Variants in DSG4 observed in about 807,000 individuals in gnomAD.
The protein encoded by DSG4 is desmoglein 4.
Under a neutral mutation model 93.1 loss-of-function variants are expected in DSG4, and 87 were observed. The observed-to-expected ratio is 0.93, with a 90% CI of 0.79 to 1.12. DSG4 has a LOEUF of 1.12. Among genes scored for constraint, DSG4 ranks in the 50% most tolerant of loss-of-function variants. The probability of loss-of-function intolerance (pLI) is 0.00; values close to 1 mark genes in which losing one functional copy is unlikely to be tolerated. For missense variants in DSG4, 1,373 were observed against 1,285.7 expected, an observed-to-expected ratio of 1.07 and a Z score of -1.04; for synonymous variants, 432 against 452.9, an observed-to-expected ratio of 0.95 and a Z score of 0.59.
intron 1 of DSG4, among the ~76,000 whole-genome samples, chr18:31,377,583 C>T (rs1409950085): frequency 1.3e-5 from 2 of 152,166 alleles, no homozygotes; most frequent in Non-Finnish European, 2.9e-5. Context: ...TTACAGTAAA[C>T]ATGGCATCTT....
rs2072221012 is a variant in DSG4, at chr18:31,389,022, A to G, written c.517+4A>G. 6.2e-7 allele frequency: 1 copy of G among 1,612,930 alleles called. No individual in the cohort carries two copies. The highest frequency in any genetic ancestry group is 1.1e-5 in the South Asian group (1 of 91,044). Reference sequence around the variant, plus strand: ...ATTGAAGAAAATAGTGATGCCAGTAAGTAGAATGACATTCCTTCTCTACGT... The same window carrying G: ...ATTGAAGAAAATAGTGATGCCAGTAGGTAGAATGACATTCCTTCTCTACGT... On this transcript the variant is annotated splice_donor_region_variant and intron_variant, in intron 5 of 15. Transcript: ENST00000308128.
intron 5 of DSG4, 57 bp from the exon 6 acceptor site, chr18:31,390,585 CTTATGCCTAATGAT>C: frequency 6.3e-7 from 1 of 1,585,018 alleles, no homozygotes; most frequent in Non-Finnish European, 8.6e-7. Flanking sequence ...ACTCTGTCTT[CTTATGCCTAATGAT>C]TTGCTGAATT....
chr18:31,401,744 C>G (rs1035234409), intron 10 of DSG4: 1 of 151,992 alleles, frequency 6.6e-6, no homozygotes, highest in African/African-American at 2.4e-5. Flanking sequence ...TCAGGAACCA[C>G]GAAGGAAGGG....
intron 1 of DSG4, among the ~76,000 whole-genome samples, chr18:31,383,335 T>A (rs2072155564): frequency 1.3e-5 from 2 of 152,208 alleles, no homozygotes; most frequent in South Asian, 4.1e-4. Flanking sequence ...AGGCTACATA[T>A]CCACTATGGA....
At chr18:31,378,786 A>G (rs897840756) in intron 1 of DSG4, among the ~76,000 whole-genome samples, 1 of 152,218 alleles carries the variant, frequency 6.6e-6, no homozygotes, top group Non-Finnish European at 1.5e-5. Context: ...ATATTTCAAA[A>G]TTGAAACAAA....
In DSG4 at chr18:31,388,533, G is replaced by A. The variant is rs1354323415; in HGVS notation, c.372+11G>A. 2 of 1,612,994 alleles carry A rather than the reference G, an allele frequency of 1.2e-6. No individual in the cohort carries two copies. The highest frequency in any genetic ancestry group is 1.7e-6 in the Non-Finnish European group (2 of 1,179,360). ...ACTCCACTTTTCTTGGTAAGTCATA[G>A]CCATATGTTTTGATTTGTTCATATT... On this transcript the variant is annotated intron_variant, in intron 4 of 15. Transcript: ENST00000308128.
Position 31,411,405 on chromosome 18 carries a change from A to T in DSG4, c.2312A>T (p.Asp771Val), listed in dbSNP as rs1478643134. The change falls in exon 15 of 16, where the codon GAC becomes GTC. Residue 771 changes from aspartate to valine, a missense_variant. Asp to Val is a radical substitution (Grantham distance 152). Transcript: ENST00000308128. ...ATGGGAACCCTGCGGGACTACGCTG[A>T]CGCAGACATCAACATGGCTTTCTTG... The part of the protein sequence containing the change: ...STMGTLRDYA[D>V]ADINMAFLDS... 6.2e-7 allele frequency: 1 copy of T among 1,613,936 alleles called. No individual in the cohort carries two copies.
At chr18:31,398,215 A>G (rs967696734) in intron 8 of DSG4, among the ~76,000 whole-genome samples, 4 of 152,086 alleles carry the variant, frequency 2.6e-5, no homozygotes, top group East Asian at 1.9e-4. Flanking sequence ...TATTACGTGG[A>G]CCAGTGGACT....
chr18:31,384,581 AAG>A (rs1164518665), intron 1 of DSG4, among the ~76,000 whole-genome samples: 1 of 152,180 alleles, frequency 6.6e-6, no homozygotes, highest in Non-Finnish European at 1.5e-5. Context: ...CCAACTGACA[AAG>A]AACTTATTCA....
At position 31,411,256 on chromosome 18, in the gene DSG4, C is replaced by G; in HGVS notation, c.2163C>G (p.Ala721=). Reference sequence around the variant, plus strand: ...AAATCTACACCAACACCTATGCAGCCGGGGGCACGGTGGAAGGAGGTGTAT... The same window carrying G: ...AAATCTACACCAACACCTATGCAGCGGGGGGCACGGTGGAAGGAGGTGTAT... The part of the protein sequence containing the change: ...SSEIYTNTYA[A]GGTVEGGVSG... Residue 721 remains alanine, a synonymous_variant, in exon 15 of 16, where the codon GCC becomes GCG. Transcript: ENST00000308128. 1 of 1,614,122 alleles carries G rather than the reference C, an allele frequency of 6.2e-7. No homozygotes were observed.
chr18:31,413,530 A>G lies in DSG4; in HGVS notation c.3058A>G (p.Thr1020Ala), dbSNP rs1168093359. 1 of 1,614,090 alleles carries G rather than the reference A, an allele frequency of 6.2e-7. No individual in the cohort carries two copies. Among genetic ancestry groups the G allele is most frequent in the Non-Finnish European group, 8.5e-7 (1 of 1,180,010 alleles). ...DLPIGQTVGS[T>A]SPMTSRHRVT... is the part of the protein sequence containing the mutation. ...TCCCATAGGCCAAACCGTTGGCTCCACATCCCCCATGACATCTCGACACAG... is the reference window on the plus strand; with the variant it reads ...TCCCATAGGCCAAACCGTTGGCTCCGCATCCCCCATGACATCTCGACACAG... The change falls in exon 16 of 16, where the codon ACA (threonine) becomes GCA (alanine). Residue 1020 changes from threonine (T) to alanine (A), a missense_variant. Physicochemically the swap from Thr to Ala is moderately conservative, Grantham distance 58. Coordinates refer to ENST00000308128, the MANE Select transcript of DSG4 (RefSeq NM_177986.5).
At chr18:31,378,911 A>T (rs534077089) in intron 1 of DSG4, among the ~76,000 whole-genome samples, 1 of 152,264 alleles carries the variant, frequency 6.6e-6, no homozygotes, top group African/African-American at 2.4e-5. Context: ...TCATTAACTA[A>T]ATCAAAGACT....
chr18:31,395,660 T>C (rs1050572670), intron 8 of DSG4, among the ~76,000 whole-genome samples: 2 of 152,180 alleles, frequency 1.3e-5, no homozygotes, highest in African/African-American at 4.8e-5. Flanking sequence ...AACTGGACTT[T>C]TGACTAAGCT....
chr18:31,395,865 G>A (rs541333259), intron 8 of DSG4, among the ~76,000 whole-genome samples: 167 of 152,256 alleles, frequency 1.1e-3, no homozygotes, highest in African/African-American at 3.8e-3. Context: ...GCGGTCACCT[G>A]TAATTCCAGT....
chr18:31,391,823 T>C (rs2072253107), intron 7 of DSG4, among the ~76,000 whole-genome samples: 2 of 152,110 alleles, frequency 1.3e-5, no homozygotes, highest in South Asian at 2.1e-4. Flanking sequence ...ATATTTACTA[T>C]TCAGCCCTTT....
At chr18:31,408,256 T>C (rs542584687) in intron 12 of DSG4, among the ~76,000 whole-genome samples, 1 of 152,340 alleles carries the variant, frequency 6.6e-6, no homozygotes, top group South Asian at 2.1e-4. Flanking sequence ...TTGTATTGGG[T>C]ATGTGCTAAA....
In DSG4 at chr18:31,399,415, T is replaced by C. The variant is rs373813561; in HGVS notation, c.1149T>C (p.Pro383=). The C allele has an allele frequency of 9.3e-6, 15 of 1,613,986 alleles. No homozygotes were observed. The East Asian group carries it at 2.7e-4, about 29-fold the overall frequency. ...RIQVVDVREG[P]AFHPSTMAFS... is the part of the protein sequence containing the mutation. Reference sequence around the variant, plus strand: ...AAGTTGTTGATGTGAGAGAAGGACCTGCATTTCATCCAAGTACTATGGCTT... The same window carrying C: ...AAGTTGTTGATGTGAGAGAAGGACCCGCATTTCATCCAAGTACTATGGCTT... The change falls in exon 9 of 16, where the codon CCT becomes CCC. Residue 383 remains proline, a synonymous_variant. Transcript: ENST00000308128.
Position 31,391,155 on chromosome 18 carries a change from CT to C in DSG4, c.763del (p.Cys255ValfsTer6), listed in dbSNP as rs1462595806. On this transcript the variant is annotated frameshift_variant, in exon 7 of 16. Coordinates refer to ENST00000308128, the MANE Select transcript of DSG4 (RefSeq NM_177986.5). LOFTEE classifies it high-confidence loss of function. ...CAGATGGACTGTCTTCTGAGTGTGA[CT>C]GTAGAATCAAGGTTTTAGACGTCAA... Reference protein sequence around the residue: ...AADGLSSECDCRIKVLDVNDN... With the variant: ...AADGLSSECDXRIKVLDVNDN... 1.9e-6 allele frequency: 3 copies of C among 1,613,646 alleles called. No homozygotes were observed. Among genetic ancestry groups the C allele is most frequent in the Non-Finnish European group, 2.5e-6 (3 of 1,179,766 alleles).
rs180811472 is a variant in DSG4 at position 31,396,715 on chromosome 18, A to G, written c.1006-2557A>G. On this transcript the variant is annotated intron_variant, in intron 8 of 15. Transcript: ENST00000308128. ...TGAAGAAGACAAATAGCTAGTCTCA[A>G]TTTACCCAGGTGGTGAATGGCAAAG... Among the ~76,000 whole-genome samples, 8 of 152,264 alleles carry G rather than the reference A, an allele frequency of 5.3e-5. No individual in the cohort carries two copies. In the East Asian group the frequency reaches 1.5e-3, roughly 29 times the overall value.
Sources: gnomAD v4.1 joint callset for allele counts (sites outside exome capture counted in the v4.1 genomes callset) on GRCh38, gnomAD v4.1.1 for gene constraint, MANE v1.5 for transcripts, NCBI Gene and HGNC (gene_info 2026-07-23, HGNC 2026-07-21) for gene names.